The following GNA12 variants were observed in gnomAD, a reference collection of about 807,000 sequenced individuals.
GNA12 encodes the protein G protein subunit alpha 12.
In GNA12, 9 loss-of-function variants were observed where a neutral mutation model predicts 26.0. The observed-to-expected ratio is 0.35, with a 90% CI of 0.21 to 0.60. The LOEUF is 0.60. Ranked by LOEUF, GNA12 falls within the 20% of genes least tolerant of loss-of-function variation. The pLI is 0.78. For synonymous variants in GNA12, 264 were observed against 219.6 expected (o/e 1.20, Z -1.79); for missense variants, 405 against 525.8 (o/e 0.77, Z 2.25).
chr7:2,814,635 C>CTT (rs35209860), intron 1 of GNA12, among the ~76,000 whole-genome samples: 13 of 133,710 alleles, frequency 9.7e-5, no homozygotes, highest in African/African-American at 2.8e-4. Flanking sequence ...CTTTTCCTGC[C>CTT]TTTTTTTTTT....
intron 2 of GNA12, among the ~76,000 whole-genome samples, chr7:2,734,538 C>T (rs1040390376): frequency 5.9e-5 from 9 of 152,166 alleles, no homozygotes; most frequent in Non-Finnish European, 1.0e-4. Context: ...GAATGGACTA[C>T]GTGATGGCGC....
At chr7:2,815,917 G>T (rs1793208011) in intron 1 of GNA12, among the ~76,000 whole-genome samples, 2 of 152,206 alleles carry the variant, frequency 1.3e-5, no homozygotes, top group South Asian at 2.1e-4. Context: ...GATAGTTTTT[G>T]AGTTCATTTA....
intron 1 of GNA12, 52 bp from the exon 2 acceptor site, chr7:2,795,195 C>G (rs955555358): frequency 1.4e-6 from 2 of 1,384,406 alleles, no homozygotes; most frequent in Non-Finnish European, 1.0e-6. Context: ...AAAGACTAAA[C>G]CACGCTAGAG....
Position 2,762,492 on chromosome 7 carries a change from G to A in GNA12, c.526-28991C>T, listed in dbSNP as rs1791608718. The A allele has an allele frequency of 3.8e-6, 3 of 788,464 alleles. No individual in the cohort carries two copies. In the South Asian group the frequency reaches 6.9e-5, roughly 18 times the overall value. 48.8% of individuals were successfully genotyped at this position (788,464 alleles called of 1,614,324 possible). On this transcript the variant is annotated intron_variant, in intron 2 of 3. Transcript: ENST00000275364. ...GAACCCACCCGTGTGCGGGGCCTGA[G>A]GTGTGAGTAGCCTAACTGTGGACTA...
In GNA12 at chr7:2,728,721, A is replaced by ACG. The variant is rs1554253627; in HGVS notation, c.*2459_*2460insCG. On this transcript the variant is annotated 3_prime_UTR_variant, in exon 4 of 4. Coordinates refer to ENST00000275364, the MANE Select transcript of GNA12 (RefSeq NM_007353.3). ...CTGGAGACAAAACTGACTAGAGTCTATGTGTAGCCAAGTTGTGAATGACAG... is the reference window on the plus strand; with the variant it reads ...CTGGAGACAAAACTGACTAGAGTCTACGTGTGTAGCCAAGTTGTGAATGACAG... 6.6e-6 allele frequency: 1 copy of ACG among 152,420 alleles called. No individual in the cohort carries two copies. Among genetic ancestry groups the ACG allele is most frequent in the Non-Finnish European group, 1.5e-5 (1 of 68,000 alleles). The allele number at this position is 152,420 out of a possible 1,614,324, so 9.4% of individuals were successfully genotyped here. A position where few individuals can be genotyped will look rare whatever the true frequency, so the allele number is the denominator to read the frequency against.
intron 1 of GNA12, among the ~76,000 whole-genome samples, chr7:2,808,108 G>A (rs1356029911): frequency 1.3e-5 from 2 of 152,338 alleles, no homozygotes; most frequent in East Asian, 1.9e-4. Flanking sequence ...ACAACTAAAC[G>A]GAAAATCTTA....
chr7:2,764,060 G>A (rs1206286390), intron 2 of GNA12, among the ~76,000 whole-genome samples: 1 of 152,006 alleles, frequency 6.6e-6, no homozygotes, highest in Non-Finnish European at 1.5e-5. Flanking sequence ...TCCTCTGATT[G>A]GTTGAGTATT....
At chr7:2,764,857 T>C (rs566552285) in intron 2 of GNA12, 1 of 152,318 alleles carries the variant, frequency 6.6e-6, no homozygotes, top group Admixed American at 6.5e-5. Context: ...CCTCGTCCTC[T>C]TAGTGAATGA....
At position 2,731,007 on chromosome 7, in the gene GNA12, G is replaced by C; in HGVS notation, c.*174C>G. On this transcript the variant is annotated 3_prime_UTR_variant, in exon 4 of 4. Coordinates refer to ENST00000275364, the MANE Select transcript of GNA12 (RefSeq NM_007353.3). This position sits in a 1 kb window ranked among gnomAD's most constrained non-coding sequence, Gnocchi z 6.0. The stretch of plus-strand genomic sequence containing the variant: ...CAGTAGCTAACGTGACAGTTTCCAT[G>C]TCCTTTTGCCTAGAGCTCGCTGGCT... The C allele has an allele frequency of 1.8e-6, 1 of 544,304 alleles. No individual in the cohort carries two copies. The highest frequency in any genetic ancestry group is 3.3e-6 in the Non-Finnish European group (1 of 304,484). The allele number at this position is 544,304 out of a possible 1,614,324, so 33.7% of individuals were successfully genotyped here. A position where few individuals can be genotyped will look rare whatever the true frequency, so the allele number is the denominator to read the frequency against.
At chr7:2,803,662 G>A (rs1792871789) in intron 1 of GNA12, among the ~76,000 whole-genome samples, 1 of 152,160 alleles carries the variant, frequency 6.6e-6, no homozygotes, top group South Asian at 2.1e-4. Flanking sequence ...TGGACAGTGG[G>A]AAATCCAAGC....
At chr7:2,766,141 C>G (rs1479839909) in intron 2 of GNA12, among the ~76,000 whole-genome samples, 8 of 152,156 alleles carry the variant, frequency 5.3e-5, no homozygotes, top group Admixed American at 5.2e-4. Flanking sequence ...CTGCCCAGCC[C>G]CTGGTAACCA....
At chr7:2,841,227 C>A (rs1339902480) in intron 1 of GNA12, among the ~76,000 whole-genome samples, 1 of 152,190 alleles carries the variant, frequency 6.6e-6, no homozygotes, top group Non-Finnish European at 1.5e-5. Context: ...TCTCGGCTCA[C>A]TGCAAGCTCC....
intron 1 of GNA12, among the ~76,000 whole-genome samples, chr7:2,822,275 G>A (rs1055712195): frequency 1.3e-4 from 20 of 152,290 alleles, no homozygotes; most frequent in African/African-American, 4.1e-4. Flanking sequence ...TTGCATGTCA[G>A]GCTTCACTGG....
intron 1 of GNA12, among the ~76,000 whole-genome samples, chr7:2,823,325 G>T (rs1793411613): frequency 6.6e-6 from 1 of 152,170 alleles, no homozygotes; most frequent in African/African-American, 2.4e-5. Flanking sequence ...TCTGACTGAA[G>T]GCTGATAGCA....
At chr7:2,762,473 A>C (rs1442718645) in intron 2 of GNA12, 1 of 655,714 alleles carries the variant, frequency 1.5e-6, no homozygotes, top group African/African-American at 1.9e-5. Flanking sequence ...CTCTGAACCC[A>C]CCCGTGTGCG....
chr7:2,750,087 G>C (rs1408081906), intron 2 of GNA12, among the ~76,000 whole-genome samples: 11 of 152,216 alleles, frequency 7.2e-5, no homozygotes. Context: ...GAAACTCATA[G>C]CAAGGATGCT....
chr7:2,841,360 A>G (rs956715091), intron 1 of GNA12, among the ~76,000 whole-genome samples: 1 of 152,242 alleles, frequency 6.6e-6, no homozygotes, highest in African/African-American at 2.4e-5. Context: ...GAGTTGGAAG[A>G]AACTAGAGAC....
chr7:2,834,437 G>C (rs1010246499), intron 1 of GNA12, among the ~76,000 whole-genome samples: 3 of 152,198 alleles, frequency 2.0e-5, no homozygotes, highest in African/African-American at 7.2e-5. Context: ...AGTTACTTGT[G>C]CAACTGTCTC....
Position 2,730,887 on chromosome 7 carries a change from G to A in GNA12, c.*294C>T, listed in dbSNP as rs550082595. The A allele has an allele frequency of 8.3e-6, 3 of 360,756 alleles. No homozygotes were observed. Among genetic ancestry groups the A allele is most frequent in the South Asian group, 4.8e-5 (1 of 20,890 alleles). The allele number at this position is 360,756 out of a possible 1,614,324, so 22.3% of individuals were successfully genotyped here. On this transcript the variant is annotated 3_prime_UTR_variant, in exon 4 of 4. Coordinates refer to ENST00000275364, the MANE Select transcript of GNA12 (RefSeq NM_007353.3). ...TAAACTGCGTCAGAAAAAGAGGAAC[G>A]TTTCTGTAAAAGCAAAGCAAGCTGT...
Sources: allele counts gnomAD v4.1 joint callset (sites outside exome capture counted in the v4.1 genomes callset), GRCh38; gene constraint gnomAD v4.1.1; non-coding constraint Gnocchi (gnomAD v3.1); transcripts MANE v1.5; gene names NCBI Gene and HGNC (gene_info 2026-07-23, HGNC 2026-07-21).